PPP6R1: variants seen among roughly 807,000 people sequenced by gnomAD.
PPP6R1 encodes the protein protein phosphatase 6 regulatory subunit 1.
In PPP6R1, 39 loss-of-function variants were observed where a neutral mutation model predicts 104.6. The ratio of observed to expected loss-of-function variants is 0.37; its 90% CI spans 0.29 to 0.49. The LOEUF (loss-of-function observed/expected upper bound fraction) is 0.49. Among genes scored for constraint, PPP6R1 ranks in the 20% least tolerant of loss-of-function variants. PPP6R1 has a pLI of 0.98. For missense variants in PPP6R1, 1,181 were observed against 1,155.8 expected, an observed-to-expected ratio of 1.02 and a Z score of -0.32; for synonymous variants, 549 against 479.0, an observed-to-expected ratio of 1.15 and a Z score of -1.91.
At chr19:55,231,538 G>A (rs1307751084) in intron 20 of PPP6R1, 47 bp from the exon 21 acceptor site, 3 of 1,597,248 alleles carry the variant, frequency 1.9e-6, no homozygotes, top group Admixed American at 3.5e-5. Flanking sequence ...CAAGCTCGGA[G>A]CTGGCCAGGC....
chr19:55,247,531 A>C (rs1318757131), intron 1 of PPP6R1, among the ~76,000 whole-genome samples: 3 of 152,212 alleles, frequency 2.0e-5, no homozygotes, highest in Admixed American at 6.5e-5. Context: ...GTCTGGGTCC[A>C]CTATCCCTAC....
In PPP6R1 at chr19:55,230,871, G is replaced by A. The variant is rs1275735276; in HGVS notation, c.2473C>T (p.Pro825Ser). Residue 825 changes from proline (P) to serine (S), a missense_variant, in exon 22 of 24, where the codon CCC becomes TCC. Coordinates refer to ENST00000412770, the MANE Select transcript of PPP6R1 (RefSeq NM_014931.4). The part of the protein sequence containing the change: ...PSSSDSATRD[P>S]STSVPASGAH... ...CCGGAGGCTGGGACAGAGGTAGAGGGGTCTCTGGTTGCACTGTGGGTGAGA... is the reference window on the plus strand; with the variant it reads ...CCGGAGGCTGGGACAGAGGTAGAGGAGTCTCTGGTTGCACTGTGGGTGAGA... 1.0e-5 allele frequency: 16 copies of A among 1,606,648 alleles called. No individual in the cohort carries two copies. The highest frequency in any genetic ancestry group is 1.7e-5 in the Admixed American group (1 of 59,964).
rs755644370 is a variant in PPP6R1, at chr19:55,230,514, G to C, written c.*14C>G. 1.2e-6 allele frequency: 2 copies of C among 1,613,366 alleles called. No homozygotes were observed. The highest frequency in any genetic ancestry group is 1.7e-6 in the Non-Finnish European group (2 of 1,179,796). On this transcript the variant is annotated 3_prime_UTR_variant, in exon 24 of 24. Transcript: ENST00000412770. ...GAGGACGGAAGATTTGGCCGCCGCTGCCGCACCAGGCAGCTATCTGGAAAC... is the reference window on the plus strand; with the variant it reads ...GAGGACGGAAGATTTGGCCGCCGCTCCCGCACCAGGCAGCTATCTGGAAAC...
At chr19:55,231,388 G>A in intron 21 of PPP6R1, 22 bp downstream of exon 21, 3 of 1,569,236 alleles carry the variant, frequency 1.9e-6, no homozygotes, top group South Asian at 2.3e-5. Flanking sequence ...CCGATACTAG[G>A]CAGCCCCACC....
rs1217629162 is a variant in PPP6R1 at position 55,245,552 on chromosome 19, T to C, written c.354A>G (p.Pro118=). The C allele has an allele frequency of 6.2e-7, 1 of 1,611,390 alleles. No homozygotes were observed. Among genetic ancestry groups the C allele is most frequent in the Admixed American group, 1.7e-5 (1 of 59,662 alleles). Residue 118 remains proline (P), a synonymous_variant, in exon 3 of 24, where the codon CCA becomes CCG. Transcript: ENST00000412770. The surrounding 1 kb of genome is among the most constrained non-coding windows in gnomAD (Gnocchi z 6.4). ...GFLQSTGSLN[P]LLASFFSKVM... ...CCTTGCTGAAGAAGCTGGCCAGCAG[T>C]GGGTTGAGGCTGCCGGTGCTCTGCA...
chr19:55,247,255 C>CCTGCCTCATGCTGAGCCCG, intron 1 of PPP6R1, 146 bp from the exon 2 acceptor site: 1 of 815,356 alleles, frequency 1.2e-6, no homozygotes, highest in Non-Finnish European at 1.9e-6. Context: ...AGCCCGGCCC[C>CCTGCCTCATGCTGAGCCCG]GCCCCGGGAC....
rs562210360 is a variant in PPP6R1, at chr19:55,241,467, C to T, written c.1008+10G>A. On this transcript the variant is annotated intron_variant, in intron 8 of 23. Coordinates refer to ENST00000412770, the MANE Select transcript of PPP6R1 (RefSeq NM_014931.4). This position sits in a 1 kb window ranked among gnomAD's most constrained non-coding sequence, Gnocchi z 5.4. The stretch of plus-strand genomic sequence containing the variant: ...CCGCCTCCCCGAGGACCAGAACCCA[C>T]ACCCCTGACCTTGGGAGGCTCCAGC... The T allele has an allele frequency of 5.3e-5, 85 of 1,601,098 alleles. No homozygotes were observed. The South Asian group carries it at 8.5e-4, about 16-fold the overall frequency.
intron 18 of PPP6R1, 21 bp downstream of exon 18, chr19:55,232,054 C>T (rs200392819): frequency 1.6e-4 from 264 of 1,612,072 alleles, no homozygotes; most frequent in Non-Finnish European, 2.2e-4. Flanking sequence ...GTACACCTGA[C>T]CACACCGCCC....
chr19:55,235,754 G>A (rs192599285), intron 17 of PPP6R1, among the ~76,000 whole-genome samples: 4,145 of 151,530 alleles, frequency 0.027, 190 homozygotes, highest in African/African-American at 0.093. Context: ...TCCTGACCTC[G>A]TGATCCGCCC....
chr19:55,230,916 G>A (rs752828740), intron 21 of PPP6R1, 32 bp from the exon 22 acceptor site: 18 of 1,536,342 alleles, frequency 1.2e-5, no homozygotes, highest in South Asian at 1.1e-4. Context: ...GGCTGTCAGC[G>A]TGGCCCCCAC....
At chr19:55,252,490 C>G (rs2087561677) in intron 1 of PPP6R1, among the ~76,000 whole-genome samples, 2 of 151,860 alleles carry the variant, frequency 1.3e-5, no homozygotes, top group African/African-American at 4.8e-5. Context: ...TCTCCGCCTC[C>G]CGGTTTTAAG....
Position 55,247,020 on chromosome 19 carries a change from C to T in PPP6R1, c.84G>A (p.Leu28=). 3 of 1,613,910 alleles carry T rather than the reference C, an allele frequency of 1.9e-6. No individual in the cohort carries two copies. Among genetic ancestry groups the T allele is most frequent in the Non-Finnish European group, 2.5e-6 (3 of 1,179,886 alleles). Residue 28 remains leucine, a synonymous_variant, in exon 2 of 24, where the codon CTG becomes CTA. Coordinates refer to ENST00000412770, the MANE Select transcript of PPP6R1 (RefSeq NM_014931.4). ...EREDLSLPEL[L]DEEDVLQECK... ...ACTCCTGCAGCACGTCTTCCTCGTC[C>T]AGCAGCTCGGGCAGGCTCAGGTCCT...
At chr19:55,258,007 G>A (rs1413224687) in intron 1 of PPP6R1, among the ~76,000 whole-genome samples, 1 of 152,252 alleles carries the variant, frequency 6.6e-6, no homozygotes, top group African/African-American at 2.4e-5. Flanking sequence ...TAAGGAGGCT[G>A]CGCCACGGAA....
intron 1 of PPP6R1, among the ~76,000 whole-genome samples, chr19:55,250,764 C>T (rs2087546679): frequency 6.6e-6 from 1 of 152,080 alleles, no homozygotes; most frequent in African/African-American, 2.4e-5. Flanking sequence ...ACCCAGGCAC[C>T]GCTGACCTCC....
At chr19:55,249,738 G>C (rs1293821523) in intron 1 of PPP6R1, among the ~76,000 whole-genome samples, 1 of 152,182 alleles carries the variant, frequency 6.6e-6, no homozygotes, top group Non-Finnish European at 1.5e-5. Context: ...CTACTCGGGA[G>C]GCTGAGGCAG....
chr19:55,239,967 C>T (rs575428797), intron 12 of PPP6R1, 32 bp downstream of exon 12: 2 of 1,611,468 alleles, frequency 1.2e-6, no homozygotes, highest in South Asian at 1.1e-5. Context: ...AAGCCCCCCA[C>T]CTAGCCCTCA....
At chr19:55,258,149 G>A (rs369278524) in intron 1 of PPP6R1, among the ~76,000 whole-genome samples, 7 of 152,350 alleles carry the variant, frequency 4.6e-5, no homozygotes, top group East Asian at 3.9e-4. Context: ...TGAGGCTCAG[G>A]GACTGGGGAG....
intron 1 of PPP6R1, among the ~76,000 whole-genome samples, chr19:55,250,532 AG>A: frequency 6.6e-6 from 1 of 152,168 alleles, no homozygotes; most frequent in East Asian, 1.9e-4. Context: ...TGCCATTTCC[AG>A]GCCCACCCTG....
At chr19:55,228,378 G>A (rs776995961), downstream of PPP6R1, 7 of 1,613,890 alleles carry the variant, frequency 4.3e-6, no homozygotes, top group East Asian at 2.2e-5. Flanking sequence ...GAATCCAGAG[G>A]CAGAAGTACA....
Sources: gnomAD v4.1 joint callset for allele counts (sites outside exome capture counted in the v4.1 genomes callset) on GRCh38, gnomAD v4.1.1 for gene constraint, Gnocchi (gnomAD v3.1) non-coding constraint, MANE v1.5 for transcripts, NCBI Gene and HGNC (gene_info 2026-07-23, HGNC 2026-07-21) for gene names.